MSRA: variants seen among roughly 807,000 people sequenced by gnomAD.
MSRA encodes methionine sulfoxide reductase A.
In MSRA, 54 loss-of-function variants were observed where a neutral mutation model predicts 31.3. The ratio of observed to expected loss-of-function variants is 1.73; its 90% CI spans 1.39 to 2.17. The LOEUF (loss-of-function observed/expected upper bound fraction) is 2.17. MSRA is among the 30% of genes most tolerant of loss of function. The pLI is 0.00. For missense variants in MSRA, 507 were observed against 300.9 expected (o/e 1.69, Z -5.07); for synonymous variants, 169 against 116.5 (o/e 1.45, Z -2.90).
In MSRA at chr8:10,414,041, C is replaced by G. The variant is rs374664534; in HGVS notation, c.544-14107C>G. Among the ~76,000 whole-genome samples the G allele has an allele frequency of 2.0e-5, 3 of 152,222 alleles. No individual in the cohort carries two copies. In the South Asian group the frequency reaches 6.2e-4, roughly 32 times the overall value. The stretch of plus-strand genomic sequence containing the variant: ...AACTAGCCAGGTGTGGTGGTGTGCT[C>G]CTGTAGTCCCTGCTACTTGCGAGGT... On this transcript the variant is annotated intron_variant, in intron 5 of 5. Coordinates refer to ENST00000317173, the MANE Select transcript of MSRA (RefSeq NM_012331.5).
At chr8:10,231,934 A>AGG (rs896860083) in intron 2 of MSRA, among the ~76,000 whole-genome samples, 5 of 152,170 alleles carry the variant, frequency 3.3e-5, no homozygotes. Flanking sequence ...TAAAAATAAA[A>AGG]GGGTAAACAG....
chr8:10,145,840 G>T (rs765136637), intron 1 of MSRA, among the ~76,000 whole-genome samples: 6 of 152,138 alleles, frequency 3.9e-5, no homozygotes, highest in Non-Finnish European at 5.9e-5. Context: ...GTGTGTGTGT[G>T]TGTAATGATT....
intron 5 of MSRA, among the ~76,000 whole-genome samples, chr8:10,401,570 C>G (rs1023841967): frequency 6.6e-6 from 1 of 152,126 alleles, no homozygotes; most frequent in Non-Finnish European, 1.5e-5. Context: ...ATGTATATAT[C>G]CAGCGGAATT....
At chr8:10,087,766 G>A (rs1003384883) in intron 1 of MSRA, among the ~76,000 whole-genome samples, 2 of 152,158 alleles carry the variant, frequency 1.3e-5, no homozygotes, top group African/African-American at 4.8e-5. Flanking sequence ...ATTAGGGAGT[G>A]TTTTCTAAGA....
chr8:10,333,048 T>G (rs1419347791), intron 5 of MSRA, among the ~76,000 whole-genome samples: 1 of 151,162 alleles, frequency 6.6e-6, no homozygotes, highest in East Asian at 2.0e-4. Context: ...CTGCCCAGGT[T>G]GATGGTGGAA....
chr8:10,397,850 TA>T (rs1358569472), intron 5 of MSRA, among the ~76,000 whole-genome samples: 1 of 152,194 alleles, frequency 6.6e-6, no homozygotes, highest in African/African-American at 2.4e-5. Context: ...CCTGTCATTC[TA>T]AATTACCAAA....
chr8:10,370,216 A>G (rs1414069497), intron 5 of MSRA, among the ~76,000 whole-genome samples: 1 of 152,232 alleles, frequency 6.6e-6, no homozygotes, highest in Non-Finnish European at 1.5e-5. Flanking sequence ...TGTTCAAAGA[A>G]ATGAAATGAC....
intron 5 of MSRA, among the ~76,000 whole-genome samples, chr8:10,404,030 CATT>C (rs1334184465): frequency 1.3e-5 from 2 of 152,194 alleles, no homozygotes; most frequent in East Asian, 1.9e-4. Flanking sequence ...AAAGATTTCT[CATT>C]ATATGTCATT....
intron 1 of MSRA, among the ~76,000 whole-genome samples, chr8:10,187,162 A>G (rs1057306596): frequency 2.0e-5 from 3 of 152,196 alleles, no homozygotes; most frequent in African/African-American, 7.2e-5. Context: ...AACTTCGGGA[A>G]ATGGTACGAC....
intron 1 of MSRA, among the ~76,000 whole-genome samples, chr8:10,199,610 C>G (rs1334438398): frequency 2.0e-5 from 3 of 152,144 alleles, no homozygotes; most frequent in South Asian, 4.1e-4. Flanking sequence ...GTTGGGGCAT[C>G]TCCATTCAGC....
intron 2 of MSRA, among the ~76,000 whole-genome samples, chr8:10,222,393 C>G (rs529144254): frequency 1.3e-5 from 2 of 152,252 alleles, no homozygotes; most frequent in South Asian, 4.1e-4. Context: ...GGTGAGGACT[C>G]TCACTGTTGG....
rs910925511 is a variant in MSRA at position 10,384,863 on chromosome 8, G to A, written c.544-43285G>A. On this transcript the variant is annotated intron_variant, in intron 5 of 5. Transcript: ENST00000317173. ...TGTCTCCAAAAAAAATTAGCTGGGT[G>A]TTGTAGCGCATACCTGCAGCCCCAG... Among the ~76,000 whole-genome samples the A allele has an allele frequency of 4.6e-5, 7 of 152,114 alleles. No individual in the cohort carries two copies. In the East Asian group the frequency reaches 1.2e-3, roughly 25 times the overall value.
At chr8:10,186,947 G>C (rs1035634987) in intron 1 of MSRA, among the ~76,000 whole-genome samples, 1 of 152,112 alleles carries the variant, frequency 6.6e-6, no homozygotes, top group Admixed American at 6.5e-5. Context: ...CAGTCATTCC[G>C]ATTGTTGATC....
intron 1 of MSRA, among the ~76,000 whole-genome samples, chr8:10,087,812 G>C (rs1422435059): frequency 2.0e-5 from 3 of 152,188 alleles, no homozygotes; most frequent in Admixed American, 2.0e-4. Context: ...CTTTTTCTAA[G>C]AGAGACATTT....
At chr8:10,344,114 T>C (rs1803617576) in intron 5 of MSRA, among the ~76,000 whole-genome samples, 1 of 152,144 alleles carries the variant, frequency 6.6e-6, no homozygotes, top group African/African-American at 2.4e-5. Flanking sequence ...GCTAAGGAAG[T>C]TGCATGTATC....
intron 4 of MSRA, among the ~76,000 whole-genome samples, chr8:10,307,369 G>A (rs1801197338): frequency 6.6e-6 from 1 of 152,014 alleles, no homozygotes; most frequent in Admixed American, 6.6e-5. Context: ...ATTTCGCCAT[G>A]TTGCTCAGGC....
chr8:10,092,768 A>C (rs1411662275), intron 1 of MSRA, among the ~76,000 whole-genome samples: 1 of 152,208 alleles, frequency 6.6e-6, no homozygotes, highest in Admixed American at 6.5e-5. Context: ...TTGTTCTCAC[A>C]GTTGTGGAAT....
intron 1 of MSRA, among the ~76,000 whole-genome samples, chr8:10,145,262 A>G (rs571045909): frequency 6.6e-5 from 10 of 152,340 alleles, no homozygotes; most frequent in Admixed American, 6.5e-4. Context: ...AAGACAAACA[A>G]TAGGAATAAA....
At chr8:10,241,605 A>G (rs78254213) in intron 2 of MSRA, among the ~76,000 whole-genome samples, 240 of 152,306 alleles carry the variant, frequency 1.6e-3, no homozygotes, top group African/African-American at 5.7e-3. Context: ...TAAGGTATGA[A>G]AATGAAGTGA....
Sources: allele counts gnomAD v4.1 joint callset (sites outside exome capture counted in the v4.1 genomes callset), GRCh38; gene constraint gnomAD v4.1.1; transcripts MANE v1.5; gene names NCBI Gene and HGNC (gene_info 2026-07-23, HGNC 2026-07-21).